Variants in EPDR1 observed in about 807,000 individuals in gnomAD.
EPDR1 encodes the protein mammalian ependymin-related protein 1.
In EPDR1, 27 loss-of-function variants were observed where a neutral mutation model predicts 23.7. That is an observed-to-expected ratio of 1.14 (90% CI 0.84 to 1.57). The LOEUF (loss-of-function observed/expected upper bound fraction) is 1.57, where lower values mean the gene tolerates loss of function less well. EPDR1 is among the 40% of genes most tolerant of loss of function. The pLI is 0.00. For missense variants in EPDR1, 349 were observed against 290.4 expected, an observed-to-expected ratio of 1.20 and a Z score of -1.47; for synonymous variants, 137 against 118.2, an observed-to-expected ratio of 1.16 and a Z score of -1.03.
chr7:37,939,640 A>G (rs984399826), intron 1 of EPDR1, among the ~76,000 whole-genome samples: 1 of 152,106 alleles, frequency 6.6e-6, no homozygotes, highest in Non-Finnish European at 1.5e-5. Context: ...AAAAGTTGGA[A>G]TCCATGCATA....
chr7:37,923,181 A>T (rs1562855815), intron 1 of EPDR1, among the ~76,000 whole-genome samples: 2 of 152,226 alleles, frequency 1.3e-5, no homozygotes, highest in Non-Finnish European at 2.9e-5. Flanking sequence ...ATGCATTCCC[A>T]AGATGTGGAC....
At chr7:37,948,802 A>T (rs761511279) in intron 1 of EPDR1, 38 bp from the exon 2 acceptor site, 9 of 1,563,142 alleles carry the variant, frequency 5.8e-6, no homozygotes, top group Non-Finnish European at 7.9e-6. Flanking sequence ...GGATGGTAAC[A>T]TGAAGTCCCA....
intron 1 of EPDR1, among the ~76,000 whole-genome samples, chr7:37,922,325 C>T (rs539660380): frequency 6.6e-6 from 1 of 152,254 alleles, no homozygotes; most frequent in South Asian, 2.1e-4. Flanking sequence ...CAGACCCTTT[C>T]AAACAATATC....
chr7:37,950,337 C>G lies in EPDR1; in HGVS notation c.616C>G (p.Pro206Ala), dbSNP rs761844390. Reference protein sequence around the residue: ...LGIKDPSVFTPPSTCQMAQLE... With the variant: ...LGIKDPSVFTAPSTCQMAQLE... The stretch of plus-strand genomic sequence containing the variant: ...TATTAAAGACCCCTCGGTGTTTACC[C>G]CTCCAAGCACGTGCCAGATGGCCCA... Residue 206 changes from proline to alanine, a missense_variant, in exon 3 of 3, where the codon CCT becomes GCT. Coordinates refer to ENST00000199448, the MANE Select transcript of EPDR1 (RefSeq NM_017549.5). 6.2e-7 allele frequency: 1 copy of G among 1,613,900 alleles called. No individual in the cohort carries two copies. The highest frequency in any genetic ancestry group is 1.7e-5 in the Admixed American group (1 of 60,000).
At chr7:37,942,782 TA>T (rs34246695) in intron 1 of EPDR1, among the ~76,000 whole-genome samples, 12,072 of 151,476 alleles carry the variant, frequency 0.08, 486 homozygotes, top group Middle Eastern at 0.14. Context: ...TCTGTTTTAC[TA>T]AAAAAAAACT....
chr7:37,922,669 G>GGGGC (rs1554372857), intron 1 of EPDR1, among the ~76,000 whole-genome samples: 2 of 151,648 alleles, frequency 1.3e-5, no homozygotes, highest in Non-Finnish European at 2.9e-5. Flanking sequence ...GGAAGCTAGG[G>GGGGC]GGGGGTTCTG....
intron 1 of EPDR1, among the ~76,000 whole-genome samples, chr7:37,930,877 G>A (rs1283731833): frequency 6.6e-6 from 1 of 152,292 alleles, no homozygotes; most frequent in African/African-American, 2.4e-5. Context: ...AAAACACAGA[G>A]GAATTTTTAT....
Position 37,948,210 on chromosome 7 carries a change from T to C in EPDR1, c.270-630T>C, listed in dbSNP as rs144208289. On this transcript the variant is annotated intron_variant, in intron 1 of 2. Transcript: ENST00000199448. ...TCAAGTCCTCCTGTGTCTCTGTGGG[T>C]AAACAAAAGTTCACAAACCAGCTCT... Among the ~76,000 whole-genome samples, 497 of 152,208 alleles carry C rather than the reference T, an allele frequency of 3.3e-3. 1 individual carries two copies. Among genetic ancestry groups the C allele is most frequent in the African/African-American group, 0.011 (473 of 41,522 alleles).
At chr7:37,924,170 T>A (rs1785771024) in intron 1 of EPDR1, among the ~76,000 whole-genome samples, 2 of 152,238 alleles carry the variant, frequency 1.3e-5, no homozygotes, top group Admixed American at 1.3e-4. Flanking sequence ...GTCAGAACTA[T>A]GTGGGGAGCC....
rs1786414140 is a variant in EPDR1 at position 37,951,847 on chromosome 7, A to T, written c.*1451A>T. 1 of 152,180 alleles carries T rather than the reference A, an allele frequency of 6.6e-6. No individual in the cohort carries two copies. The allele number at this position is 152,180 out of a possible 1,614,324, so 9.4% of individuals were successfully genotyped here. On this transcript the variant is annotated 3_prime_UTR_variant, in exon 3 of 3. Coordinates refer to ENST00000199448, the MANE Select transcript of EPDR1 (RefSeq NM_017549.5). ...ATTGCATTTTAAAGCATTCTTTGATACTGTTGCTTTTGCAATAAATATGGA... is the reference window on the plus strand; with the variant it reads ...ATTGCATTTTAAAGCATTCTTTGATTCTGTTGCTTTTGCAATAAATATGGA...
intron 1 of EPDR1, among the ~76,000 whole-genome samples, chr7:37,944,163 A>G (rs1786225658): frequency 6.6e-6 from 1 of 152,260 alleles, no homozygotes; most frequent in South Asian, 2.1e-4. Flanking sequence ...TGCTCCAAGC[A>G]TCTCAGAAAA....
At chr7:37,945,653 C>T (rs769502432) in intron 1 of EPDR1, among the ~76,000 whole-genome samples, 1 of 152,176 alleles carries the variant, frequency 6.6e-6, no homozygotes, top group Non-Finnish European at 1.5e-5. Flanking sequence ...GTGGTGTAAA[C>T]AAACTTACTG....
intron 1 of EPDR1, among the ~76,000 whole-genome samples, chr7:37,929,826 G>A (rs1583663666): frequency 6.6e-6 from 1 of 152,266 alleles, no homozygotes; most frequent in South Asian, 2.1e-4. Context: ...CTCCCCCACT[G>A]CCCTCTCATC....
At chr7:37,924,387 G>A (rs1056421636) in intron 1 of EPDR1, among the ~76,000 whole-genome samples, 4 of 152,184 alleles carry the variant, frequency 2.6e-5, no homozygotes, top group African/African-American at 9.7e-5. Flanking sequence ...ACTTGGTGGT[G>A]GTTCTGTGCT....
In EPDR1 at chr7:37,920,951, C is replaced by G. The variant is rs1489239517; in HGVS notation, c.12C>G (p.Arg4=). The change falls in exon 1 of 3, where the codon CGC becomes CGG. Residue 4 remains arginine (R), a synonymous_variant. Coordinates refer to ENST00000199448, the MANE Select transcript of EPDR1 (RefSeq NM_017549.5). MPG[R]APLRTVPGAL... ...GAAGGCTGACCGCGATGCCAGGACG[C>G]GCTCCCCTCCGCACCGTCCCGGGCG... The G allele has an allele frequency of 6.3e-7, 1 of 1,598,562 alleles. No individual in the cohort carries two copies. The highest frequency in any genetic ancestry group is 1.1e-5 in the South Asian group (1 of 88,950).
At chr7:37,921,590 T>C (rs1286975517) in intron 1 of EPDR1, 2 of 907,852 alleles carry the variant, frequency 2.2e-6, no homozygotes, top group Non-Finnish European at 2.9e-6. Context: ...CTGCGCTATC[T>C]CATTTCTTTC....
At chr7:37,923,786 A>G (rs1785761050) in intron 1 of EPDR1, among the ~76,000 whole-genome samples, 1 of 152,202 alleles carries the variant, frequency 6.6e-6, no homozygotes, top group African/African-American at 2.4e-5. Context: ...GAGTCTCAGT[A>G]TCCTCATTTA....
At chr7:37,936,312 G>T (rs1305721341) in intron 1 of EPDR1, among the ~76,000 whole-genome samples, 2 of 151,902 alleles carry the variant, frequency 1.3e-5, no homozygotes, top group Non-Finnish European at 2.9e-5. Context: ...TAATACAATG[G>T]ATTCAGTAGG....
rs924625068 is a variant in EPDR1 at position 37,934,835 on chromosome 7, C to T, written c.269+13627C>T. Among the ~76,000 whole-genome samples the T allele has an allele frequency of 3.3e-5, 5 of 152,016 alleles. No homozygotes were observed. The South Asian group carries it at 1.0e-3, about 32-fold the overall frequency. On this transcript the variant is annotated intron_variant, in intron 1 of 2. Transcript: ENST00000199448. ...TGGCATGTGCCTGTGGTCCCAGCTG[C>T]TTGGGAGGCTGGGGCAGGAAGATTG...
Sources: gnomAD v4.1 joint callset for allele counts (sites outside exome capture counted in the v4.1 genomes callset) on GRCh38, gnomAD v4.1.1 for gene constraint, MANE v1.5 for transcripts, NCBI Gene and HGNC (gene_info 2026-07-23, HGNC 2026-07-21) for gene names.